The following RBM47 variants were observed in gnomAD, a reference collection of about 807,000 sequenced individuals.
RBM47 encodes RNA-binding protein 47.
A neutral mutation model predicts 47.1 loss-of-function variants in RBM47; 21 were observed. The observed-to-expected ratio is 0.45, with a 90% CI of 0.32 to 0.64. The LOEUF (loss-of-function observed/expected upper bound fraction) is 0.64, where lower values mean the gene tolerates loss of function less well. Among genes scored for constraint, RBM47 ranks in the 30% least tolerant of loss-of-function variants. RBM47 has a pLI of 0.05. For missense variants in RBM47, 708 were observed against 870.9 expected, an observed-to-expected ratio of 0.81 and a Z score of 2.35; for synonymous variants, 375 against 361.7, an observed-to-expected ratio of 1.04 and a Z score of -0.42.
At chr4:40,524,591 C>G (rs1726521668) in intron 2 of RBM47, among the ~76,000 whole-genome samples, 1 of 152,204 alleles carries the variant, frequency 6.6e-6, no homozygotes. Flanking sequence ...CATTCGGACT[C>G]AGAAAAGGAT....
chr4:40,438,189 G>A lies in RBM47; in HGVS notation c.705C>T (p.Ile235=). Residue 235 remains isoleucine, a synonymous_variant, in exon 4 of 7, where the codon ATC becomes ATT. Transcript: ENST00000295971. The stretch of plus-strand genomic sequence containing the variant: ...TCTCCATCACGTCCTCGTCCACGTC[G>A]ATCTCAGGTTCGGCCCAGTCCACGG... The part of the protein sequence containing the change: ...QIAVDWAEPE[I]DVDEDVMETV... The A allele has an allele frequency of 6.2e-7, 1 of 1,609,114 alleles. No individual in the cohort carries two copies. Among genetic ancestry groups the A allele is most frequent in the Non-Finnish European group, 8.5e-7 (1 of 1,179,990 alleles).
intron 1 of RBM47, among the ~76,000 whole-genome samples, chr4:40,577,053 A>G (rs1443208018): frequency 6.6e-6 from 1 of 152,196 alleles, no homozygotes; most frequent in Non-Finnish European, 1.5e-5. Context: ...CGTCCCTGGC[A>G]GTAACGAATC....
At chr4:40,573,691 C>T (rs548556640) in intron 1 of RBM47, among the ~76,000 whole-genome samples, 114 of 150,654 alleles carry the variant, frequency 7.6e-4, no homozygotes, top group Middle Eastern at 3.4e-3. Flanking sequence ...GATCATGCCA[C>T]TAAACTCCAG....
chr4:40,531,710 T>C (rs1560449721), intron 2 of RBM47, among the ~76,000 whole-genome samples: 1 of 152,198 alleles, frequency 6.6e-6, no homozygotes, highest in African/African-American at 2.4e-5. Flanking sequence ...AAAGCAGATA[T>C]AAAAAAATTA....
At chr4:40,531,289 T>C (rs1275933931) in intron 2 of RBM47, among the ~76,000 whole-genome samples, 5 of 151,926 alleles carry the variant, frequency 3.3e-5, no homozygotes, top group Admixed American at 2.0e-4. Flanking sequence ...ACAGACTAGC[T>C]GAGCTTCAAA....
chr4:40,462,618 T>C (rs1164875020), intron 3 of RBM47, among the ~76,000 whole-genome samples: 1 of 152,178 alleles, frequency 6.6e-6, no homozygotes, highest in Admixed American at 6.5e-5. Context: ...TGCTTTCACC[T>C]GTCTGTTGGG....
At chr4:40,589,456 T>C (rs149702840) in intron 1 of RBM47, among the ~76,000 whole-genome samples, 5 of 152,246 alleles carry the variant, frequency 3.3e-5, no homozygotes, top group African/African-American at 1.2e-4. Flanking sequence ...GGAGTCTCGC[T>C]CTGTCTCCCA....
chr4:40,490,287 A>C (rs2154246101), intron 2 of RBM47, among the ~76,000 whole-genome samples: 1 of 152,280 alleles, frequency 6.6e-6, no homozygotes, highest in Non-Finnish European at 1.5e-5. Flanking sequence ...AAATAGAAAA[A>C]AAGGAAAAAG....
In RBM47 at chr4:40,465,195, T is replaced by C. The variant is rs191549513; in HGVS notation, c.-32+1382A>G. On this transcript the variant is annotated intron_variant, in intron 3 of 6. Coordinates refer to ENST00000295971, the MANE Select transcript of RBM47 (RefSeq NM_001098634.2). ...TCGCAGGGATTATTGGGCACATCAG[T>C]GTCGCTGGCAGCCCCTCCCTGACAC... 5.8e-4 allele frequency among the ~76,000 whole-genome samples: 88 copies of C among 152,244 alleles called. 1 individual carries two copies. The highest frequency in any genetic ancestry group is 1.7e-3 in the African/African-American group (69 of 41,528).
At chr4:40,453,247 T>C (rs1230455579) in intron 3 of RBM47, among the ~76,000 whole-genome samples, 2 of 152,168 alleles carry the variant, frequency 1.3e-5, no homozygotes, top group Non-Finnish European at 2.9e-5. Flanking sequence ...AAAAACCATA[T>C]AAGATTGTTC....
intron 1 of RBM47, among the ~76,000 whole-genome samples, chr4:40,627,344 A>G (rs561248581): frequency 6.6e-6 from 1 of 152,190 alleles, no homozygotes; most frequent in East Asian, 1.9e-4. Context: ...TTTTCCCCAG[A>G]ATTATGTATC....
intron 2 of RBM47, among the ~76,000 whole-genome samples, chr4:40,478,375 C>T (rs1346395686): frequency 6.6e-6 from 1 of 152,152 alleles, no homozygotes; most frequent in Non-Finnish European, 1.5e-5. Flanking sequence ...GAGGAGTGAT[C>T]CTTTGTCTTT....
chr4:40,619,649 A>G (rs1737072146), intron 1 of RBM47, among the ~76,000 whole-genome samples: 1 of 152,030 alleles, frequency 6.6e-6, no homozygotes, highest in Non-Finnish European at 1.5e-5. Context: ...ACGCTACTCC[A>G]TCTAGCGAAG....
intron 1 of RBM47, among the ~76,000 whole-genome samples, chr4:40,581,434 T>TAATAAATTAATAAATA (rs1553904670): frequency 7.2e-6 from 1 of 138,988 alleles, no homozygotes; most frequent in African/African-American, 2.8e-5. Context: ...AAAAAAGTAA[T>TAATAAATTAATAAATA]AATAAATAAA....
intron 2 of RBM47, among the ~76,000 whole-genome samples, chr4:40,468,921 CAAG>C (rs1297968554): frequency 6.6e-6 from 1 of 152,174 alleles, no homozygotes; most frequent in Non-Finnish European, 1.5e-5. Context: ...GTACAAAGTA[CAAG>C]AAGGTGTGTC....
intron 3 of RBM47, among the ~76,000 whole-genome samples, chr4:40,451,645 C>T (rs1560376176): frequency 6.6e-6 from 1 of 152,124 alleles, no homozygotes; most frequent in Non-Finnish European, 1.5e-5. Context: ...TTCTGGGATA[C>T]AGTCAATTCA....
At chr4:40,527,582 C>A (rs62302050) in intron 2 of RBM47, among the ~76,000 whole-genome samples, 1 of 150,508 alleles carries the variant, frequency 6.6e-6, no homozygotes, top group Non-Finnish European at 1.5e-5. Flanking sequence ...TGAGACACTG[C>A]GCCCGGACTA....
At chr4:40,439,379 T>G (rs1713273735) in intron 3 of RBM47, among the ~76,000 whole-genome samples, 1 of 152,216 alleles carries the variant, frequency 6.6e-6, no homozygotes, top group Admixed American at 6.5e-5. Context: ...ATTGTAGGAA[T>G]GGAAATACAG....
rs574893719 is a variant in RBM47 at position 40,501,881 on chromosome 4, T to C, written c.-154-35182A>G. 9.8e-5 allele frequency among the ~76,000 whole-genome samples: 15 copies of C among 152,296 alleles called. No homozygotes were observed. The South Asian group carries it at 1.7e-3, about 17-fold the overall frequency. On this transcript the variant is annotated intron_variant, in intron 2 of 6. Coordinates refer to ENST00000295971, the MANE Select transcript of RBM47 (RefSeq NM_001098634.2). ...TGCTCAGATAAGAGTGAAATAAAGCTCAGAAACTCAGAAAATAGTGGCCCT... is the reference window on the plus strand; with the variant it reads ...TGCTCAGATAAGAGTGAAATAAAGCCCAGAAACTCAGAAAATAGTGGCCCT...
Sources: allele counts gnomAD v4.1 joint callset (sites outside exome capture counted in the v4.1 genomes callset), GRCh38; gene constraint gnomAD v4.1.1; transcripts MANE v1.5; gene names NCBI Gene and HGNC (gene_info 2026-07-23, HGNC 2026-07-21).